Variants in NCOA2 observed in about 807,000 individuals in gnomAD.
The protein encoded by NCOA2 is class E basic helix-loop-helix protein 75.
NCOA2 carries 21 observed loss-of-function variants against 145.1 expected under a neutral mutation model. That is an observed-to-expected ratio of 0.14 (90% CI 0.10 to 0.21). NCOA2 has a LOEUF of 0.21. NCOA2 is among the 10% of genes least tolerant of loss of function. The pLI is 1.00. For synonymous variants in NCOA2, 619 were observed against 637.5 expected, an observed-to-expected ratio of 0.97 and a Z score of 0.44; for missense variants, 1,472 against 1,837.6, an observed-to-expected ratio of 0.80 and a Z score of 3.64.
chr8:70,285,074 C>T (rs1826144049), intron 2 of NCOA2, among the ~76,000 whole-genome samples: 1 of 152,140 alleles, frequency 6.6e-6, no homozygotes, highest in Non-Finnish European at 1.5e-5. Flanking sequence ...CTACAGGTGA[C>T]TACCTATAAA....
chr8:70,327,617 A>G (rs189166734), intron 1 of NCOA2, among the ~76,000 whole-genome samples: 27 of 152,354 alleles, frequency 1.8e-4, no homozygotes, highest in Admixed American at 1.1e-3. Context: ...CAATCTCACT[A>G]TATGACCATC....
At chr8:70,178,852 GT>G (rs1815158184) in intron 4 of NCOA2, among the ~76,000 whole-genome samples, 1 of 152,226 alleles carries the variant, frequency 6.6e-6, no homozygotes, top group Admixed American at 6.5e-5. Context: ...TCTCAGCCTG[GT>G]TTGAAAGCCC....
At chr8:70,216,404 A>G (rs1219639836) in intron 3 of NCOA2, among the ~76,000 whole-genome samples, 1 of 152,208 alleles carries the variant, frequency 6.6e-6, no homozygotes, top group Non-Finnish European at 1.5e-5. Flanking sequence ...ATCAAACTCA[A>G]TATTATTAAA....
At chr8:70,307,083 A>G (rs1288340929) in intron 1 of NCOA2, among the ~76,000 whole-genome samples, 1 of 152,116 alleles carries the variant, frequency 6.6e-6, no homozygotes, top group Non-Finnish European at 1.5e-5. Context: ...CCCTCAAAGA[A>G]AAGGATTTGA....
intron 1 of NCOA2, among the ~76,000 whole-genome samples, chr8:70,356,702 G>C (rs557876632): frequency 6.6e-6 from 1 of 152,206 alleles, no homozygotes; most frequent in Non-Finnish European, 1.5e-5. Context: ...GACTGATGAC[G>C]TAAAAACCAC....
At chr8:70,403,039 T>C (rs1814501290) in intron 1 of NCOA2, among the ~76,000 whole-genome samples, 1 of 143,810 alleles carries the variant, frequency 7.0e-6, no homozygotes, top group South Asian at 2.2e-4. Context: ...CGGCTCCCCT[T>C]CCCCGCCCCG....
chr8:70,175,690 A>G lies in NCOA2; in HGVS notation c.260-831T>C, dbSNP rs183043709. 5.9e-5 allele frequency among the ~76,000 whole-genome samples: 9 copies of G among 152,396 alleles called. No homozygotes were observed. The East Asian group carries it at 1.7e-3, about 29-fold the overall frequency. On this transcript the variant is annotated intron_variant, in intron 4 of 22. Coordinates refer to ENST00000452400, the MANE Select transcript of NCOA2 (RefSeq NM_006540.4). ...AAGAACACCAAAAAAAGTTTACAGC[A>G]TAACACATACATATCAACAACTTGC... is the stretch of plus-strand genomic sequence containing the variant.
At chr8:70,404,878 GA>G (rs60303975), upstream of NCOA2, among the ~76,000 whole-genome samples, 4,051 of 148,122 alleles carry the variant, frequency 0.027, 166 homozygotes, top group African/African-American at 0.094. Context: ...GTAATTAGTT[GA>G]AAAAAAAAAC....
At chr8:70,176,015 G>A (rs566033535) in intron 4 of NCOA2, among the ~76,000 whole-genome samples, 140 of 152,256 alleles carry the variant, frequency 9.2e-4, no homozygotes, top group African/African-American at 3.3e-3. Context: ...ACAGAGGGGA[G>A]GATGACCTGT....
At chr8:70,246,797 G>C (rs2134609880) in intron 2 of NCOA2, among the ~76,000 whole-genome samples, 1 of 152,158 alleles carries the variant, frequency 6.6e-6, no homozygotes, top group East Asian at 1.9e-4. Flanking sequence ...CCTCATATAA[G>C]TGGAATCATA....
At chr8:70,366,021 A>G (rs769104291) in intron 1 of NCOA2, among the ~76,000 whole-genome samples, 1 of 152,234 alleles carries the variant, frequency 6.6e-6, no homozygotes, top group Non-Finnish European at 1.5e-5. Context: ...TCTGCACCTC[A>G]TGCAACTCAG....
intron 4 of NCOA2, among the ~76,000 whole-genome samples, chr8:70,212,073 AT>A (rs1453684268): frequency 1.3e-4 from 1 of 7,712 alleles, no homozygotes; most frequent in Non-Finnish European, 6.4e-4. Context: ...GCGCATATAT[AT>A]ATATATATAT....
At chr8:70,288,591 CAA>C (rs71275062) in intron 2 of NCOA2, among the ~76,000 whole-genome samples, 2 of 119,196 alleles carry the variant, frequency 1.7e-5, no homozygotes, top group African/African-American at 3.2e-5. Context: ...AAAACAAAAA[CAA>C]AAAAAAAAAA....
In NCOA2 at chr8:70,362,125, T is replaced by C. The variant is rs189139184; in HGVS notation, c.-77+41575A>G. Among the ~76,000 whole-genome samples, 9 of 152,322 alleles carry C rather than the reference T, an allele frequency of 5.9e-5. No homozygotes were observed. The East Asian group carries it at 1.7e-3, about 29-fold the overall frequency. On this transcript the variant is annotated intron_variant, in intron 1 of 22. Coordinates refer to ENST00000452400, the MANE Select transcript of NCOA2 (RefSeq NM_006540.4). ...TTGATTTTTTTGGAGCACAGATATT[T>C]ACTGTATTGCCCTAAAGGACCTAAT...
chr8:70,128,862 T>G lies in NCOA2; in HGVS notation c.3443A>C (p.Tyr1148Ser). 1 of 1,614,012 alleles carries G rather than the reference T, an allele frequency of 6.2e-7. No individual in the cohort carries two copies. Among genetic ancestry groups the G allele is most frequent in the Non-Finnish European group, 8.5e-7 (1 of 1,179,884 alleles). The change falls in exon 17 of 23, where the codon TAT (tyrosine) becomes TCT (serine). Residue 1148 changes from tyrosine (Y) to serine (S), a missense_variant. Physicochemically the swap from Tyr to Ser is moderately radical, Grantham distance 144. This residue lies in a region of NCOA2 where 953 missense variants were observed against 1,062.1 expected (regional missense o/e 0.90). Coordinates refer to ENST00000452400, the MANE Select transcript of NCOA2 (RefSeq NM_006540.4). ...AAAGTTTGGATCTTGCATGGGAGAATAGCTACCCTGGGCCATTTGTGCCTG... is the reference window on the plus strand; with the variant it reads ...AAAGTTTGGATCTTGCATGGGAGAAGAGCTACCCTGGGCCATTTGTGCCTG... The part of the protein sequence containing the change: ...ASQAQMAQGS[Y>S]SPMQDPNFHT...
chr8:70,156,350 A>G lies in NCOA2; in HGVS notation c.2015T>C (p.Leu672Ser). ...SDTNKDSTGS[L>S]PGSGSTHGTS... ...TCCATGTGTAGACCCAGAACCAGGC[A>G]AGCTACCTGTGGAGTCTTTGTTTGT... Residue 672 changes from leucine (L) to serine (S), a missense_variant, in exon 11 of 23, where the codon TTG becomes TCG. By Grantham distance (145) the Leu-to-Ser change is moderately radical. This residue lies in a region of NCOA2 where 953 missense variants were observed against 1,062.1 expected (regional missense o/e 0.90). Coordinates refer to ENST00000452400, the MANE Select transcript of NCOA2 (RefSeq NM_006540.4). The G allele has an allele frequency of 6.2e-7, 1 of 1,613,892 alleles. No homozygotes were observed. The highest frequency in any genetic ancestry group is 1.1e-5 in the South Asian group (1 of 91,078).
At chr8:70,220,701 A>T (rs1326455282) in intron 2 of NCOA2, among the ~76,000 whole-genome samples, 1 of 152,218 alleles carries the variant, frequency 6.6e-6, no homozygotes, top group East Asian at 1.9e-4. Context: ...TCACCAATAT[A>T]ATTTATAAGG....
At chr8:70,253,681 G>A (rs1823392884) in intron 2 of NCOA2, among the ~76,000 whole-genome samples, 1 of 152,072 alleles carries the variant, frequency 6.6e-6, no homozygotes, top group Non-Finnish European at 1.5e-5. Flanking sequence ...AAATAGTATT[G>A]GGAAAATTGG....
intron 1 of NCOA2, among the ~76,000 whole-genome samples, chr8:70,318,338 A>C (rs1426433231): frequency 1.3e-5 from 2 of 152,232 alleles, no homozygotes; most frequent in Non-Finnish European, 2.9e-5. Context: ...TCCTAGGCTC[A>C]TCTGTGTACT....
Sources: gnomAD v4.1 joint callset for allele counts (sites outside exome capture counted in the v4.1 genomes callset) on GRCh38, gnomAD v4.1.1 for gene constraint, gnomAD v4.1.1 regional missense constraint, MANE v1.5 for transcripts, NCBI Gene and HGNC (gene_info 2026-07-23, HGNC 2026-07-21) for gene names.